TXLNA: variants seen among roughly 807,000 people sequenced by gnomAD.
The protein encoded by TXLNA is taxilin alpha, also known as alpha-taxilin.
A neutral mutation model predicts 61.4 loss-of-function variants in TXLNA; 9 were observed. The observed-to-expected ratio is 0.15, with a 90% confidence interval of 0.09 to 0.26. The LOEUF is 0.26. Ranked by LOEUF, TXLNA falls within the 10% of genes least tolerant of loss-of-function variation. The probability of loss-of-function intolerance (pLI) is 1.00; values close to 1 mark genes in which losing one functional copy is unlikely to be tolerated. For synonymous variants in TXLNA, 257 were observed against 267.7 expected (o/e 0.96, Z 0.39); for missense variants, 565 against 688.8 (o/e 0.82, Z 2.01).
rs1642980035 is a variant in TXLNA, at chr1:32,194,755, C to T, written c.1348-147C>T. ...ATGCTGCCCCACCTGACAGCCTAGT[C>T]ATGGCTTCAACTAGGACTGTTTCCT... On this transcript the variant is annotated intron_variant, in intron 10 of 10. Coordinates refer to ENST00000373610, the MANE Select transcript of TXLNA (RefSeq NM_175852.4). 3.2e-6 allele frequency: 3 copies of T among 945,662 alleles called. No homozygotes were observed. The South Asian group carries it at 5.0e-5, about 16-fold the overall frequency. The allele number at this position is 945,662 out of a possible 1,614,324, so 58.6% of individuals were successfully genotyped here.
rs1642647349 is a variant in TXLNA at position 32,181,175 on chromosome 1, G to GA, written c.170-62dup. On this transcript the variant is annotated intron_variant, in intron 2 of 10. Transcript: ENST00000373610. ...CAAACTGATGAGTTTGGCTGGGCCT[G>GA]AAAAATCCCAACCAGTGGTATAATC... The GA allele has an allele frequency of 3.6e-6, 5 of 1,386,306 alleles. No homozygotes were observed. The South Asian group carries it at 8.6e-5, about 24-fold the overall frequency. The allele number at this position is 1,386,306 out of a possible 1,614,324, so 85.9% of individuals were successfully genotyped here.
Position 32,188,044 on chromosome 1 carries a change from G to A in TXLNA, c.688G>A (p.Glu230Lys), listed in dbSNP as rs933873963. 3.1e-6 allele frequency: 5 copies of A among 1,607,836 alleles called. No homozygotes were observed. The East Asian group carries it at 8.9e-5, about 29-fold the overall frequency. Residue 230 changes from glutamate to lysine, a missense_variant, in exon 5 of 11, where the codon GAG (glutamate) becomes AAG (lysine). Transcript: ENST00000373610. ...LVQEKDHLRG[E>K]HSKAVLARSK... Reference sequence around the variant, plus strand: ...GCAAGAGAAGGACCACCTGCGCGGTGAGCACAGCAAGGCCGTCCTGGCCCG... The same window carrying A: ...GCAAGAGAAGGACCACCTGCGCGGTAAGCACAGCAAGGCCGTCCTGGCCCG...
Position 32,190,057 on chromosome 1 carries a change from A to G in TXLNA, c.771A>G (p.Glu257=), listed in dbSNP as rs138935065. ...ELQRHNRSLK[E]EGVQRAREEE... Reference sequence around the variant, plus strand: ...CTCGGGCTGACTTCTTTGCCCAGGAAGAAGGTGTGCAGCGGGCCCGGGAGG... The same window carrying G: ...CTCGGGCTGACTTCTTTGCCCAGGAGGAAGGTGTGCAGCGGGCCCGGGAGG... Residue 257 remains glutamate, a splice_region_variant and synonymous_variant, in exon 6 of 11, where the codon GAA becomes GAG. Coordinates refer to ENST00000373610, the MANE Select transcript of TXLNA (RefSeq NM_175852.4). 36 of 1,566,162 alleles carry G rather than the reference A, an allele frequency of 2.3e-5. No individual in the cohort carries two copies. In the African/African-American group the frequency reaches 4.4e-4, roughly 19 times the overall value.
At chr1:32,193,379 G>A in intron 9 of TXLNA, 79 bp downstream of exon 9, 1 of 1,091,976 alleles carries the variant, frequency 9.2e-7, no homozygotes, top group Non-Finnish European at 1.4e-6. Flanking sequence ...CCTTCAGGAA[G>A]CTCCCATCTG....
Position 32,194,698 on chromosome 1 carries a change from G to A in TXLNA, c.1348-204G>A, listed in dbSNP as rs564727799. On this transcript the variant is annotated intron_variant, in intron 10 of 10. Transcript: ENST00000373610. Reference sequence around the variant, plus strand: ...ACGTGGTAGATAAATGGAGGAATACGTTATCTCCAAGCCGTGCCCCTTTTC... The same window carrying A: ...ACGTGGTAGATAAATGGAGGAATACATTATCTCCAAGCCGTGCCCCTTTTC... Among the ~76,000 whole-genome samples the A allele has an allele frequency of 9.2e-5, 14 of 152,216 alleles. No homozygotes were observed. In the South Asian group the frequency reaches 1.2e-3, roughly 14 times the overall value.
At position 32,195,170 on chromosome 1, in the gene TXLNA, A is replaced by C; in HGVS notation, c.1616A>C (p.Gln539Pro). 3.7e-6 allele frequency: 6 copies of C among 1,605,094 alleles called. No individual in the cohort carries two copies. The highest frequency in any genetic ancestry group is 1.7e-4 in the Middle Eastern group (1 of 5,972). Residue 539 changes from glutamine to proline, a missense_variant, in exon 11 of 11, where the codon CAA (glutamine) becomes CCA (proline). Physicochemically the swap from Gln to Pro is moderately conservative, Grantham distance 76. Around this residue, in one of 2 missense-constraint regions of TXLNA, gnomAD observed 373 missense variants for 504.0 expected, o/e 0.74. Coordinates refer to ENST00000373610, the MANE Select transcript of TXLNA (RefSeq NM_175852.4). ...GAAGCATCAGGCCAGACTGGGCCTC[A>C]AGAGCCCACCTCCGCCAGGGCCTAG... ...STEASGQTGPQEPTSARA is the reference protein window; with the variant it reads ...STEASGQTGPPEPTSARA
At chr1:32,181,150 C>A (rs1642646985) in intron 2 of TXLNA, 92 bp from the exon 3 acceptor site, 3 of 1,151,514 alleles carry the variant, frequency 2.6e-6, no homozygotes, top group East Asian at 5.3e-5. Context: ...ACATTTAACT[C>A]AAACTGATGA....
chr1:32,192,873 G>A lies in TXLNA; in HGVS notation c.1158+142G>A. The stretch of plus-strand genomic sequence containing the variant: ...CTTGGTTGAGCCTTTGTTCTCTCCG[G>A]ACCTGCACAGTACCTATGTGGTGGT... On this transcript the variant is annotated intron_variant, in intron 8 of 10. Transcript: ENST00000373610. The surrounding 1 kb of genome is among the most constrained non-coding windows in gnomAD (Gnocchi z 4.2). The A allele has an allele frequency of 1.2e-6, 1 of 806,338 alleles. No homozygotes were observed. Among genetic ancestry groups the A allele is most frequent in the Non-Finnish European group, 2.0e-6 (1 of 499,818 alleles). The allele number at this position is 806,338 out of a possible 1,614,324, so 49.9% of individuals were successfully genotyped here.
rs1643027906 is a variant in TXLNA at position 32,196,528 on chromosome 1, G to A, written c.*1333G>A. 1 of 152,242 alleles carries A rather than the reference G, an allele frequency of 6.6e-6. No individual in the cohort carries two copies. The highest frequency in any genetic ancestry group is 6.5e-5 in the Admixed American group (1 of 15,284). 9.4% of individuals were successfully genotyped at this position (152,242 alleles called of 1,614,324 possible). A position where few individuals can be genotyped will look rare whatever the true frequency, so the allele number is the denominator to read the frequency against. ...AAAATGGCTGCAGACAGTTGTTTCT[G>A]TGTCCTGTTCTACCCCCACTCCAGT... On this transcript the variant is annotated 3_prime_UTR_variant, in exon 11 of 11. Coordinates refer to ENST00000373610, the MANE Select transcript of TXLNA (RefSeq NM_175852.4).
At chr1:32,186,918 A>G (rs925406318) in intron 4 of TXLNA, among the ~76,000 whole-genome samples, 1 of 152,248 alleles carries the variant, frequency 6.6e-6, no homozygotes, top group Non-Finnish European at 1.5e-5. Flanking sequence ...AACAAAGAAT[A>G]TAAAACATCT....
chr1:32,194,017 T>C (rs1642961426), intron 9 of TXLNA, 48 bp from the exon 10 acceptor site: 2 of 1,514,720 alleles, frequency 1.3e-6, no homozygotes, highest in Admixed American at 3.6e-5. Context: ...ACACAGACCT[T>C]GGAGAGGCCA....
At position 32,196,933 on chromosome 1, in the gene TXLNA, G is replaced by T. The variant is rs1643038458; in HGVS notation, c.*1738G>T. On this transcript the variant is annotated 3_prime_UTR_variant, in exon 11 of 11. Transcript: ENST00000373610. Reference sequence around the variant, plus strand: ...GGTACCACTGATCTGCATCAGAGTTGCCTGCTATTCTCTGGTGTATCCTTC... The same window carrying T: ...GGTACCACTGATCTGCATCAGAGTTTCCTGCTATTCTCTGGTGTATCCTTC... The T allele has an allele frequency of 2.0e-5, 3 of 152,256 alleles. No individual in the cohort carries two copies. The South Asian group carries it at 6.2e-4, about 32-fold the overall frequency. The allele number at this position is 152,256 out of a possible 1,614,324, so 9.4% of individuals were successfully genotyped here. A position where few individuals can be genotyped will look rare whatever the true frequency, so the allele number is the denominator to read the frequency against.
Position 32,190,107 on chromosome 1 carries a change from C to T in TXLNA, c.821C>T (p.Thr274Ile). Reference protein sequence around the residue: ...REEEEKRKEVTSHFQVTLNDI... With the variant: ...REEEEKRKEVISHFQVTLNDI... ...GAGGAGGAGAAGCGCAAGGAGGTGA[C>T]CTCGCACTTCCAGGTGACACTGAAT... The change falls in exon 6 of 11, where the codon ACC becomes ATC. Residue 274 changes from threonine (T) to isoleucine (I), a missense_variant. Thr to Ile is a moderately conservative substitution (Grantham distance 89, BLOSUM62 -1). Coordinates refer to ENST00000373610, the MANE Select transcript of TXLNA (RefSeq NM_175852.4). 6.3e-7 allele frequency: 1 copy of T among 1,592,380 alleles called. No homozygotes were observed.
intron 3 of TXLNA, among the ~76,000 whole-genome samples, chr1:32,183,186 CG>C: frequency 6.6e-6 from 1 of 151,922 alleles, no homozygotes; most frequent in Middle Eastern, 3.4e-3. Context: ...TGCACTGGCG[CG>C]ATCTCAGCTC....
intron 1 of TXLNA, 48 bp from the exon 2 acceptor site, chr1:32,180,266 C>G: frequency 4.0e-6 from 6 of 1,483,574 alleles, no homozygotes; most frequent in Non-Finnish European, 4.5e-6. Flanking sequence ...ATCCAGGCTG[C>G]GAAGAATTTC....
intron 3 of TXLNA, among the ~76,000 whole-genome samples, chr1:32,183,207 T>C (rs931487922): frequency 2.0e-5 from 3 of 149,854 alleles, no homozygotes; most frequent in Non-Finnish European, 4.4e-5. Context: ...CCCTGCAAGC[T>C]CCGCCTCCCG....
Position 32,192,601 on chromosome 1 carries a change from C to A in TXLNA, c.1084-56C>A, listed in dbSNP as rs1254231934. On this transcript the variant is annotated intron_variant, in intron 7 of 10. Transcript: ENST00000373610. The surrounding 1 kb of genome is among the most constrained non-coding windows in gnomAD (Gnocchi z 4.2). ...TGGGTCTGGTGCTTGTGGCTAAAAA[C>A]CAAACATAGCCCCTGGGGGCTTCTG... 1.2e-6 allele frequency: 2 copies of A among 1,609,076 alleles called. No homozygotes were observed. Among genetic ancestry groups the A allele is most frequent in the Non-Finnish European group, 1.7e-6 (2 of 1,175,986 alleles).
At chr1:32,182,734 C>T (rs1642693859) in intron 3 of TXLNA, among the ~76,000 whole-genome samples, 1 of 151,520 alleles carries the variant, frequency 6.6e-6, no homozygotes, top group Non-Finnish European at 1.5e-5. Context: ...ATTCCCTTTT[C>T]CCCTTATGTA....
At chr1:32,182,095 A>AG (rs1254232701) in intron 3 of TXLNA, among the ~76,000 whole-genome samples, 9 of 115,136 alleles carry the variant, frequency 7.8e-5, no homozygotes, top group Non-Finnish European at 1.6e-4. Flanking sequence ...GGGTGCAGTC[A>AG]GGCTTTTTTT....
Sources: allele counts gnomAD v4.1 joint callset (sites outside exome capture counted in the v4.1 genomes callset), GRCh38; gene constraint gnomAD v4.1.1; regional missense constraint gnomAD v4.1.1; non-coding constraint Gnocchi (gnomAD v3.1); transcripts MANE v1.5; gene names NCBI Gene and HGNC (gene_info 2026-07-23, HGNC 2026-07-21).